GRM4: variants seen among roughly 807,000 people sequenced by gnomAD.
GRM4 encodes the protein glutamate metabotropic receptor 4.
A neutral mutation model predicts 81.7 loss-of-function variants in GRM4; 28 were observed. That is an observed-to-expected ratio of 0.34 (90% CI 0.25 to 0.47). The LOEUF (loss-of-function observed/expected upper bound fraction) is 0.47, where lower values mean the gene tolerates loss of function less well. GRM4 is among the 20% of genes least tolerant of loss of function. The pLI is 1.00. For synonymous variants in GRM4, 488 were observed against 528.8 expected (o/e 0.92, Z 1.06); for missense variants, 948 against 1,290.0 (o/e 0.73, Z 4.06).
At chr6:34,108,278 G>A (rs572274138) in intron 2 of GRM4, among the ~76,000 whole-genome samples, 8 of 152,332 alleles carry the variant, frequency 5.3e-5, no homozygotes, top group African/African-American at 1.9e-4. Flanking sequence ...CCTAACAGCC[G>A]CTATAATAAG....
chr6:34,055,947 C>T (rs990330481), intron 6 of GRM4: 3 of 152,356 alleles, frequency 2.0e-5, no homozygotes, highest in African/African-American at 7.2e-5. Context: ...TTGCAGTTTC[C>T]CTTCCCCTCA....
At chr6:34,049,690 A>G (rs978839565) in intron 6 of GRM4, among the ~76,000 whole-genome samples, 20 of 151,754 alleles carry the variant, frequency 1.3e-4, no homozygotes, top group Admixed American at 1.2e-3. Context: ...CATTTCATCC[A>G]TCTCCTTGTT....
intron 1 of GRM4, among the ~76,000 whole-genome samples, chr6:34,138,041 C>A (rs776142748): frequency 2.9e-4 from 44 of 152,306 alleles, no homozygotes; most frequent in South Asian, 1.0e-3. Context: ...ATTTACCAAA[C>A]CCCCAATTAT....
At position 34,133,122 on chromosome 6, in the gene GRM4, C is replaced by T. The variant is rs199504271; in HGVS notation, c.375G>A (p.Ala125=). The T allele has an allele frequency of 1.1e-5, 17 of 1,613,984 alleles. No homozygotes were observed. The highest frequency in any genetic ancestry group is 6.7e-5 in the East Asian group (3 of 44,856). The change falls in exon 2 of 11, where the codon GCG becomes GCA. Residue 125 remains alanine, a synonymous_variant. Transcript: ENST00000538487. The surrounding 1 kb of genome is among the most constrained non-coding windows in gnomAD (Gnocchi z 6.5). ...CCTCTGTGCCATCCTTCTCGATGAGCGCCTGCACAAAGGTCAGCGACTGCT... is the reference window on the plus strand; with the variant it reads ...CCTCTGTGCCATCCTTCTCGATGAGTGCCTGCACAAAGGTCAGCGACTGCT... ...ALEQSLTFVQ[A]LIEKDGTEVR... is the part of the protein sequence containing the mutation.
At chr6:34,109,873 T>C (rs1221130151) in intron 2 of GRM4, among the ~76,000 whole-genome samples, 1 of 152,140 alleles carries the variant, frequency 6.6e-6, no homozygotes, top group Non-Finnish European at 1.5e-5. Context: ...ATGGAGACTC[T>C]GACTGTGCCC....
chr6:34,108,631 G>C (rs1183762652), intron 2 of GRM4, among the ~76,000 whole-genome samples: 1 of 152,196 alleles, frequency 6.6e-6, no homozygotes, highest in Non-Finnish European at 1.5e-5. Flanking sequence ...AAGGATGGCA[G>C]ACCTGATTTG....
chr6:34,028,282 A>G lies in GRM4; in HGVS notation c.2527T>C (p.Tyr843His), dbSNP rs777922888. 1 of 1,613,846 alleles carries G rather than the reference A, an allele frequency of 6.2e-7. No homozygotes were observed. The highest frequency in any genetic ancestry group is 2.2e-5 in the East Asian group (1 of 44,882). The stretch of plus-strand genomic sequence containing the variant: ...TGCTCCGGGTGGAAGAGGATGATGT[A>G]GACTTTGGGCATGTAGAGCATTCCC... ...SLGMLYMPKV[Y>H]IILFHPEQNV... The change falls in exon 10 of 11, where the codon TAC becomes CAC. Residue 843 changes from tyrosine (Y) to histidine (H), a missense_variant. Physicochemically the swap from Tyr to His is moderately conservative, Grantham distance 83. Transcript: ENST00000538487.
chr6:34,024,457 T>C (rs1764034707), intron 10 of GRM4: 14 of 323,292 alleles, frequency 4.3e-5, no homozygotes, highest in South Asian at 3.1e-4. Flanking sequence ...GCAACAAACA[T>C]CTGTCTGATT....
At chr6:34,023,120 G>A (rs1186528406) in intron 10 of GRM4, among the ~76,000 whole-genome samples, 2 of 152,182 alleles carry the variant, frequency 1.3e-5, no homozygotes. Flanking sequence ...CCACGCCTTT[G>A]CCGGGCTGGG....
Position 34,110,746 on chromosome 6 carries a change from G to A in GRM4, c.520-18647C>T, listed in dbSNP as rs879260905. Reference sequence around the variant, plus strand: ...GCTGGGCTGGTAGCACCTGCAGCCCGTGAGTCCCCAGGGCATCAGAGATCA... The same window carrying A: ...GCTGGGCTGGTAGCACCTGCAGCCCATGAGTCCCCAGGGCATCAGAGATCA... On this transcript the variant is annotated intron_variant, in intron 2 of 10. Transcript: ENST00000538487. The A allele has an allele frequency of 6.5e-5, 97 of 1,497,360 alleles. 1 individual carries two copies. Among genetic ancestry groups the A allele is most frequent in the Non-Finnish European group, 7.4e-5 (84 of 1,128,312 alleles). The allele number at this position is 1,497,360 out of a possible 1,614,324, so 92.8% of individuals were successfully genotyped here.
intron 2 of GRM4, among the ~76,000 whole-genome samples, chr6:34,110,209 G>A (rs938586090): frequency 2.0e-5 from 3 of 150,076 alleles, no homozygotes; most frequent in African/African-American, 4.9e-5. Flanking sequence ...TACGAGGATC[G>A]CTTGAGCCCG....
chr6:34,153,782 C>A (rs1474982830), intron 1 of GRM4, among the ~76,000 whole-genome samples: 1 of 152,148 alleles, frequency 6.6e-6, no homozygotes, highest in Admixed American at 6.5e-5. Context: ...CAAAAGTTAG[C>A]CAGGCGTGGT....
chr6:34,109,317 A>G (rs1430856028), intron 2 of GRM4, among the ~76,000 whole-genome samples: 1 of 152,080 alleles, frequency 6.6e-6, no homozygotes, highest in Non-Finnish European at 1.5e-5. Context: ...CGTTGATCTT[A>G]GCCCCTCCCA....
intron 2 of GRM4, among the ~76,000 whole-genome samples, chr6:34,119,607 C>G (rs1410585667): frequency 1.3e-5 from 2 of 152,206 alleles, no homozygotes; most frequent in Admixed American, 1.3e-4. Flanking sequence ...TTGACCAAGC[C>G]CTCTGTGGGG....
chr6:34,081,229 C>A (rs1006306738), intron 3 of GRM4, among the ~76,000 whole-genome samples: 1 of 152,238 alleles, frequency 6.6e-6, no homozygotes, highest in African/African-American at 2.4e-5. Context: ...AGCTCCTGGG[C>A]ACCCTGGGCT....
chr6:34,053,987 C>G (rs1765738370), intron 6 of GRM4, among the ~76,000 whole-genome samples: 1 of 152,148 alleles, frequency 6.6e-6, no homozygotes, highest in Non-Finnish European at 1.5e-5. Context: ...CTCTAACGCA[C>G]CTCCAGGCTT....
intron 2 of GRM4, among the ~76,000 whole-genome samples, chr6:34,109,075 C>T (rs1256567792): frequency 6.6e-6 from 1 of 152,236 alleles, no homozygotes; most frequent in Non-Finnish European, 1.5e-5. Context: ...TCCTCAGCTG[C>T]CAGCAGCTGA....
Position 34,022,465 on chromosome 6 carries a change from G to A in GRM4, c.*356C>T, listed in dbSNP as rs1763923722. 3.2e-6 allele frequency: 1 copy of A among 309,112 alleles called. No homozygotes were observed. Among genetic ancestry groups the A allele is most frequent in the Admixed American group, 4.5e-5 (1 of 22,118 alleles). The allele number at this position is 309,112 out of a possible 1,614,324, so 19.1% of individuals were successfully genotyped here. On this transcript the variant is annotated 3_prime_UTR_variant, in exon 11 of 11. Transcript: ENST00000538487. The surrounding 1 kb of genome is among the most constrained non-coding windows in gnomAD (Gnocchi z 5.6). ...ATAAGAGAACAGAAAGACAGGGCTG[G>A]AGACAGACAGAGGGGTCGCCAACAG...
chr6:34,054,160 T>C (rs947014384), intron 6 of GRM4: 4 of 109,496 alleles, frequency 3.7e-5, no homozygotes, highest in Admixed American at 8.4e-5. Flanking sequence ...CTCTGTGCTC[T>C]TTTTTTTTTT....
Sources: allele counts gnomAD v4.1 joint callset (sites outside exome capture counted in the v4.1 genomes callset), GRCh38; gene constraint gnomAD v4.1.1; non-coding constraint Gnocchi (gnomAD v3.1); transcripts MANE v1.5; gene names NCBI Gene and HGNC (gene_info 2026-07-23, HGNC 2026-07-21).